TRDN: variants seen among roughly 807,000 people sequenced by gnomAD.
TRDN encodes triadin in skeletal muscle.
A neutral mutation model predicts 149.7 loss-of-function variants in TRDN; 161 were observed. The ratio of observed to expected loss-of-function variants is 1.08; its 90% CI spans 0.95 to 1.23. TRDN has a LOEUF of 1.23. Ranked by LOEUF, TRDN falls within the 50% of genes most tolerant of loss-of-function variation. TRDN has a pLI of 0.00. For missense variants in TRDN, 896 were observed against 823.5 expected, an observed-to-expected ratio of 1.09 and a Z score of -1.08; for synonymous variants, 294 against 250.5, an observed-to-expected ratio of 1.17 and a Z score of -1.64.
intron 12 of TRDN, among the ~76,000 whole-genome samples, chr6:123,414,089 C>T (rs1436846205): frequency 6.6e-6 from 1 of 152,096 alleles, no homozygotes; most frequent in Non-Finnish European, 1.5e-5. Context: ...CTCTGATCTT[C>T]AAGTTCGCTA....
intron 1 of TRDN, among the ~76,000 whole-genome samples, chr6:123,603,844 A>G (rs1176258186): frequency 6.6e-6 from 1 of 152,158 alleles, no homozygotes; most frequent in Non-Finnish European, 1.5e-5. Flanking sequence ...TGAAGATATC[A>G]TTGGGCATAA....
Position 123,404,106 on chromosome 6 carries a change from T to G in TRDN, c.1052-10429A>C, listed in dbSNP as rs191864082. 9.5e-4 allele frequency among the ~76,000 whole-genome samples: 144 copies of G among 152,240 alleles called. 2 individuals are homozygous for G. In the South Asian group the frequency reaches 0.022, roughly 23 times the overall value. The stretch of plus-strand genomic sequence containing the variant: ...CTAACAAAGACAGATAAGCCACACT[T>G]GATTATTTCCTTCTTTCTGATATTG... On this transcript the variant is annotated intron_variant, in intron 12 of 40. Coordinates refer to ENST00000334268, the MANE Select transcript of TRDN (RefSeq NM_006073.4).
At chr6:123,287,764 T>A (rs1477378335) in intron 24 of TRDN, among the ~76,000 whole-genome samples, 3 of 152,022 alleles carry the variant, frequency 2.0e-5, no homozygotes, top group African/African-American at 7.2e-5. Flanking sequence ...GAAATCAAAT[T>A]TATATAAGAA....
chr6:123,298,015 C>T (rs1778265457), intron 24 of TRDN, among the ~76,000 whole-genome samples: 1 of 151,968 alleles, frequency 6.6e-6, no homozygotes, highest in Admixed American at 6.6e-5. Flanking sequence ...ATAACTTCAT[C>T]ATAGGCTTGA....
intron 12 of TRDN, among the ~76,000 whole-genome samples, chr6:123,411,354 A>G (rs1413283495): frequency 6.6e-6 from 1 of 152,016 alleles, no homozygotes; most frequent in Non-Finnish European, 1.5e-5. Flanking sequence ...CTGAATAACT[A>G]CTTTCTAAGG....
intron 9 of TRDN, among the ~76,000 whole-genome samples, chr6:123,493,391 CAATTA>C (rs1778304928): frequency 6.6e-6 from 1 of 152,172 alleles, no homozygotes; most frequent in South Asian, 2.1e-4. Flanking sequence ...AAGAGCAATT[CAATTA>C]ATCTTCAGGT....
At chr6:123,283,541 G>A (rs920759783) in intron 24 of TRDN, among the ~76,000 whole-genome samples, 1 of 151,382 alleles carries the variant, frequency 6.6e-6, no homozygotes, top group African/African-American at 2.4e-5. Context: ...ATGGTTCTTT[G>A]AAAAGATAAA....
chr6:123,346,986 A>G (rs1780275062), intron 21 of TRDN, among the ~76,000 whole-genome samples: 2 of 6,056 alleles, frequency 3.3e-4, no homozygotes, highest in Admixed American at 2.6e-3. Flanking sequence ...GGCATTTCAA[A>G]CATAAAAAAA....
intron 7 of TRDN, among the ~76,000 whole-genome samples, chr6:123,511,894 C>A (rs1779197993): frequency 6.6e-6 from 1 of 152,084 alleles, no homozygotes; most frequent in South Asian, 2.1e-4. Flanking sequence ...TCTGCTGAAT[C>A]TGTCTACATT....
chr6:123,362,803 A>G (rs1780952458), intron 20 of TRDN, among the ~76,000 whole-genome samples: 2 of 152,132 alleles, frequency 1.3e-5, no homozygotes, highest in African/African-American at 4.8e-5. Context: ...TATTTTTAGT[A>G]TTTTAAATTG....
chr6:123,289,313 A>G (rs1180539289), intron 24 of TRDN, among the ~76,000 whole-genome samples: 1 of 151,946 alleles, frequency 6.6e-6, no homozygotes, highest in East Asian at 1.9e-4. Flanking sequence ...GGTGGTTACC[A>G]GAGGGTAGAG....
At chr6:123,583,418 T>A (rs925326696) in intron 1 of TRDN, among the ~76,000 whole-genome samples, 1 of 151,830 alleles carries the variant, frequency 6.6e-6, no homozygotes, top group Non-Finnish European at 1.5e-5. Context: ...TGAGGACAGG[T>A]CTGACTTCTG....
chr6:123,343,210 A>G (rs1286666457), intron 21 of TRDN, among the ~76,000 whole-genome samples: 1 of 152,038 alleles, frequency 6.6e-6, no homozygotes, highest in African/African-American at 2.4e-5. Context: ...GTGACTTTCC[A>G]AAGTTCAGTA....
intron 23 of TRDN, among the ~76,000 whole-genome samples, chr6:123,323,019 G>C (rs533248640): frequency 4.6e-4 from 70 of 152,168 alleles, no homozygotes; most frequent in African/African-American, 1.3e-3. Context: ...TCACTGCCTA[G>C]AATAGCCACA....
intron 20 of TRDN, among the ~76,000 whole-genome samples, chr6:123,358,583 GC>G (rs1371950473): frequency 6.6e-6 from 1 of 151,954 alleles, no homozygotes; most frequent in Non-Finnish European, 1.5e-5. Context: ...TCCTGCCTTA[GC>G]CTCCCGAGTA....
In TRDN at chr6:123,579,624, C is replaced by T. The variant is rs2104115; in HGVS notation, c.23-8492G>A. Among the ~76,000 whole-genome samples the T allele has an allele frequency of 4.2e-3, 634 of 152,148 alleles. 7 individuals are homozygous for T. The highest frequency in any genetic ancestry group is 0.015 in the African/African-American group (616 of 41,502). ...TTCTTTTTTTGTTGTTGTGCCTCTG[C>T]CAAGTTTTGGTATGAGGATGATGCT... On this transcript the variant is annotated intron_variant, in intron 1 of 40. Transcript: ENST00000334268.
chr6:123,369,706 A>G (rs1429731755), intron 19 of TRDN, among the ~76,000 whole-genome samples: 1 of 152,140 alleles, frequency 6.6e-6, no homozygotes, highest in Non-Finnish European at 1.5e-5. Flanking sequence ...TTCCACTACC[A>G]CACCAGCACA....
At chr6:123,243,415 T>C (rs1350627814) in intron 38 of TRDN, among the ~76,000 whole-genome samples, 1 of 152,100 alleles carries the variant, frequency 6.6e-6, no homozygotes, top group African/African-American at 2.4e-5. Flanking sequence ...AATAATTGTC[T>C]AGCAATAGAT....
intron 6 of TRDN, among the ~76,000 whole-genome samples, chr6:123,513,810 A>G (rs796933703): frequency 2.0e-4 from 31 of 152,212 alleles, no homozygotes; most frequent in African/African-American, 7.0e-4. Context: ...GTGTAAATAT[A>G]CCATAAAAAA....
Sources: allele counts gnomAD v4.1 joint callset (sites outside exome capture counted in the v4.1 genomes callset), GRCh38; gene constraint gnomAD v4.1.1; transcripts MANE v1.5; gene names NCBI Gene and HGNC (gene_info 2026-07-23, HGNC 2026-07-21).